FAT2: variants seen among roughly 807,000 people sequenced by gnomAD.
FAT2 encodes FAT atypical cadherin 2.
Under a neutral mutation model 295.3 loss-of-function variants are expected in FAT2, and 150 were observed. The observed-to-expected ratio is 0.51, with a 90% CI of 0.44 to 0.58. The LOEUF (loss-of-function observed/expected upper bound fraction) is 0.58, where lower values mean the gene tolerates loss of function less well. Ranked by LOEUF, FAT2 falls within the 20% of genes least tolerant of loss-of-function variation. The pLI is 0.00. For synonymous variants in FAT2, 2,026 were observed against 2,150.3 expected, an observed-to-expected ratio of 0.94 and a Z score of 1.60; for missense variants, 4,868 against 5,442.7, an observed-to-expected ratio of 0.89 and a Z score of 3.32.
At chr5:151,561,790 G>A (rs773560682) in intron 3 of FAT2, among the ~76,000 whole-genome samples, 12 of 152,206 alleles carry the variant, frequency 7.9e-5, no homozygotes, top group Non-Finnish European at 1.0e-4. Context: ...GGCTGGGGGC[G>A]CATTGGTGAT....
intron 15 of FAT2, 59 bp from the exon 16 acceptor site, chr5:151,528,192 C>T (rs41290581): frequency 0.022 from 34,306 of 1,590,890 alleles, 501 homozygotes; most frequent in Non-Finnish European, 0.023. Context: ...CCTGGGAGTA[C>T]AGGGGGAAAC....
intron 1 of FAT2, among the ~76,000 whole-genome samples, chr5:151,580,418 A>G (rs1465476250): frequency 1.3e-5 from 2 of 152,232 alleles, no homozygotes; most frequent in Non-Finnish European, 2.9e-5. Context: ...ACATGCATGT[A>G]TGACATTTGG....
At chr5:151,516,509 C>T (rs1365222538) in intron 20 of FAT2, among the ~76,000 whole-genome samples, 1 of 152,148 alleles carries the variant, frequency 6.6e-6, no homozygotes. Flanking sequence ...GAGTGAGACT[C>T]TGTCTCAATA....
chr5:151,552,902 G>T (rs1410198068), intron 6 of FAT2, among the ~76,000 whole-genome samples: 1 of 152,196 alleles, frequency 6.6e-6, no homozygotes, highest in East Asian at 1.9e-4. Context: ...AACCATTTTA[G>T]GTCTCCTAGG....
chr5:151,540,092 G>A (rs570259990), intron 11 of FAT2, among the ~76,000 whole-genome samples: 16 of 152,356 alleles, frequency 1.1e-4, no homozygotes, highest in Middle Eastern at 3.4e-3. Flanking sequence ...ATTGGGCATG[G>A]CTGGCTGTAT....
intron 10 of FAT2, 53 bp from the exon 11 acceptor site, chr5:151,540,816 C>T: frequency 6.6e-6 from 10 of 1,510,380 alleles, no homozygotes; most frequent in Non-Finnish European, 9.0e-6. Context: ...ATGAACTAGG[C>T]TTTGTGTCAC....
Position 151,525,847 on chromosome 5 carries a change from C to T in FAT2, c.10427G>A (p.Arg3476Gln), listed in dbSNP as rs776845486. The T allele has an allele frequency of 5.6e-6, 9 of 1,613,924 alleles. No homozygotes were observed. Among genetic ancestry groups the T allele is most frequent in the Non-Finnish European group, 7.6e-6 (9 of 1,179,960 alleles). ...ITKGNNGSAFRVTPDGWLVTA... is the reference protein window; with the variant it reads ...ITKGNNGSAFQVTPDGWLVTA... ...CACCAGCCATCCATCCGGGGTCACT[C>T]GGAAGGCAGAGCCGTTGTTCCCCTT... Residue 3476 changes from arginine to glutamine, a missense_variant, in exon 18 of 24, where the codon CGA (arginine) becomes CAA (glutamine). Coordinates refer to ENST00000261800, the MANE Select transcript of FAT2 (RefSeq NM_001447.3).
chr5:151,510,080 A>G lies in FAT2; in HGVS notation c.12000T>C (p.Thr4000=), dbSNP rs964431013. 4 of 1,614,074 alleles carry G rather than the reference A, an allele frequency of 2.5e-6. No homozygotes were observed. In the African/African-American group the frequency reaches 4.0e-5, roughly 16 times the overall value. The change falls in exon 22 of 24, where the codon ACT becomes ACC. Residue 4000 remains threonine, a synonymous_variant. Transcript: ENST00000261800. The stretch of plus-strand genomic sequence containing the variant: ...AAGCTCCTTTGGGGGAGAGGATGCA[A>G]GTTCCACCTTCCAGGCAGGGTGCAA... ...CTFAPCLEGG[T]CILSPKGASC...
intron 9 of FAT2, among the ~76,000 whole-genome samples, chr5:151,548,012 A>T (rs531144752): frequency 6.6e-6 from 1 of 152,248 alleles, no homozygotes; most frequent in Non-Finnish European, 1.5e-5. Context: ...ATCTCCATCA[A>T]TGAGGTTGTC....
intron 5 of FAT2, among the ~76,000 whole-genome samples, chr5:151,554,030 C>T (rs770552281): frequency 1.3e-5 from 2 of 152,200 alleles, no homozygotes; most frequent in South Asian, 2.1e-4. Context: ...AAAGGTTAAA[C>T]GACTTGTCCA....
chr5:151,529,092 T>C (rs1754320886), intron 15 of FAT2, 86 bp downstream of exon 15: 4 of 1,140,896 alleles, frequency 3.5e-6, no homozygotes, highest in Non-Finnish European at 5.3e-6. Context: ...AACTAATCCA[T>C]GCTCATAGAT....
At position 151,510,004 on chromosome 5, in the gene FAT2, G is replaced by T; in HGVS notation, c.12059+17C>A. On this transcript the variant is annotated intron_variant, in intron 22 of 23. Transcript: ENST00000261800. ...CCTAACAAGGAGCCCATGGCAGGTG[G>T]CCTCTCCTGGGATTACCTGTCTCCT... is the stretch of plus-strand genomic sequence containing the variant. 2 of 1,613,222 alleles carry T rather than the reference G, an allele frequency of 1.2e-6. No homozygotes were observed. Among genetic ancestry groups the T allele is most frequent in the South Asian group, 2.2e-5 (2 of 91,024 alleles).
intron 2 of FAT2, among the ~76,000 whole-genome samples, 164 bp downstream of exon 2, chr5:151,565,509 A>C (rs1477609323): frequency 6.6e-6 from 1 of 152,156 alleles, no homozygotes; most frequent in Non-Finnish European, 1.5e-5. Context: ...TCCCAGTAAA[A>C]ACAAATTAAA....
intron 14 of FAT2, 53 bp from the exon 15 acceptor site, chr5:151,529,445 G>A (rs554175911): frequency 1.4e-5 from 22 of 1,520,444 alleles, no homozygotes; most frequent in African/African-American, 6.8e-5. Flanking sequence ...CCTCAAAGGC[G>A]CAGGACTGAG....
At position 151,507,739 on chromosome 5, in the gene FAT2, A is replaced by G. The variant is rs968537768; in HGVS notation, c.12060-128T>C. 37 of 782,806 alleles carry G rather than the reference A, an allele frequency of 4.7e-5. No homozygotes were observed. In the African/African-American group the frequency reaches 6.2e-4, roughly 13 times the overall value. The allele number at this position is 782,806 out of a possible 1,614,324, so 48.5% of individuals were successfully genotyped here. On this transcript the variant is annotated intron_variant, in intron 22 of 23. Coordinates refer to ENST00000261800, the MANE Select transcript of FAT2 (RefSeq NM_001447.3). ...CCATCTCCCGTTTTTCACCCCCCAAAAAAGTAACTATCAAGCATATCAACA... is the reference window on the plus strand; with the variant it reads ...CCATCTCCCGTTTTTCACCCCCCAAGAAAGTAACTATCAAGCATATCAACA...
chr5:151,529,245 TG>T lies in FAT2; in HGVS notation c.9958del (p.Gln3320AsnfsTer12). The T allele has an allele frequency of 1.2e-6, 2 of 1,614,086 alleles. No homozygotes were observed. Among genetic ancestry groups the T allele is most frequent in the South Asian group, 2.2e-5 (2 of 91,070 alleles). On this transcript the variant is annotated frameshift_variant, in exon 15 of 24. Transcript: ENST00000261800. LOFTEE classifies it high-confidence loss of function. ...NITDVNEHRP[Q>X]FPQDPYSTRV... ...TGTGCTATATGGATCTTGGGGGAAT[TG>T]GGGCCGGTGTTCATTGACATCAGTG...
Position 151,537,950 on chromosome 5 carries a change from G to A in FAT2, c.9040-4C>T. On this transcript the variant is annotated splice_region_variant and splice_polypyrimidine_tract_variant and intron_variant, in intron 11 of 23. Transcript: ENST00000261800. ...GAACCTTGCCAGTATAGAGAAGCTA[G>A]AGATGGAAAGACAAAGAAGAGGGAG... 1.2e-6 allele frequency: 2 copies of A among 1,613,354 alleles called. No individual in the cohort carries two copies. Among genetic ancestry groups the A allele is most frequent in the Non-Finnish European group, 1.7e-6 (2 of 1,179,616 alleles).
chr5:151,518,672 A>G (rs1474093301), intron 19 of FAT2, among the ~76,000 whole-genome samples: 3 of 152,210 alleles, frequency 2.0e-5, no homozygotes, highest in East Asian at 1.9e-4. Context: ...AAACTTTTGT[A>G]AAGTCTGGCA....
rs1561806658 is a variant in FAT2 at position 151,505,847 on chromosome 5, G to A, written c.12768C>T (p.Pro4256=). Residue 4256 remains proline (P), a synonymous_variant, in exon 24 of 24, where the codon CCC becomes CCT. Transcript: ENST00000261800. Reference sequence around the variant, plus strand: ...CAACCAGGCGCTCCCGGGGACTAGGGGGCCGAGAGGGCATCAGATCTTCCA... The same window carrying A: ...CAACCAGGCGCTCCCGGGGACTAGGAGGCCGAGAGGGCATCAGATCTTCCA... ...QNLEDLMPSR[P]PSPRERLVAP... 1 of 1,611,064 alleles carries A rather than the reference G, an allele frequency of 6.2e-7. No homozygotes were observed. The highest frequency in any genetic ancestry group is 8.5e-7 in the Non-Finnish European group (1 of 1,179,142).
Sources: allele counts gnomAD v4.1 joint callset (sites outside exome capture counted in the v4.1 genomes callset), GRCh38; gene constraint gnomAD v4.1.1; transcripts MANE v1.5; gene names NCBI Gene and HGNC (gene_info 2026-07-23, HGNC 2026-07-21).